The following PIWIL2 variants were observed in gnomAD, a reference collection of about 807,000 sequenced individuals.
PIWIL2 encodes the protein piwi-like protein 2.
A neutral mutation model predicts 116.5 loss-of-function variants in PIWIL2; 81 were observed. The ratio of observed to expected loss-of-function variants is 0.70; its 90% CI spans 0.58 to 0.84. PIWIL2 has a LOEUF of 0.84. PIWIL2 is among the 40% of genes least tolerant of loss of function. PIWIL2 has a pLI of 0.00. For synonymous variants in PIWIL2, 489 were observed against 429.5 expected, an observed-to-expected ratio of 1.14 and a Z score of -1.71; for missense variants, 1,272 against 1,212.3, an observed-to-expected ratio of 1.05 and a Z score of -0.73.
At chr8:22,331,406 GA>G (rs1483304139) in intron 20 of PIWIL2, among the ~76,000 whole-genome samples, 1 of 150,354 alleles carries the variant, frequency 6.7e-6, no homozygotes, top group Non-Finnish European at 1.5e-5. Flanking sequence ...TCTAAAGCCC[GA>G]GGAGTTCAAG....
chr8:22,317,891 G>C (rs751662397), intron 19 of PIWIL2, among the ~76,000 whole-genome samples: 2 of 152,064 alleles, frequency 1.3e-5, no homozygotes, highest in Non-Finnish European at 1.5e-5. Context: ...TCGATCTCCT[G>C]ACCTCGTGAT....
chr8:22,309,484 A>G (rs1384911528), intron 14 of PIWIL2, among the ~76,000 whole-genome samples: 2 of 151,740 alleles, frequency 1.3e-5, no homozygotes, highest in African/African-American at 4.8e-5. Flanking sequence ...GACTACAGGC[A>G]TGCGCCACCA....
intron 10 of PIWIL2, among the ~76,000 whole-genome samples, chr8:22,294,374 G>A (rs985997036): frequency 6.7e-6 from 1 of 148,574 alleles, no homozygotes; most frequent in African/African-American, 2.5e-5. Context: ...GAGCGTGGTG[G>A]CTCACGCCTG....
intron 20 of PIWIL2, among the ~76,000 whole-genome samples, chr8:22,319,647 C>A (rs943356916): frequency 2.6e-5 from 4 of 152,174 alleles, no homozygotes; most frequent in Non-Finnish European, 5.9e-5. Context: ...AGGAACTGGA[C>A]AAGGCACAGC....
rs766653907 is a variant in PIWIL2 at position 22,279,566 on chromosome 8, G to C, written c.180G>C (p.Gln60His). The change falls in exon 2 of 23, where the codon CAG (glutamine) becomes CAC (histidine). Residue 60 changes from glutamine (Q) to histidine (H), a missense_variant. By Grantham distance (24) the Gln-to-His change is conservative. Coordinates refer to ENST00000356766, the MANE Select transcript of PIWIL2 (RefSeq NM_018068.5). ...GAAAGCCAGAGGAACCAAGCACACAGAGGGGGCCAGCACAAAGGGTAAGAC... is the reference window on the plus strand; with the variant it reads ...GAAAGCCAGAGGAACCAAGCACACACAGGGGGCCAGCACAAAGGGTAAGAC... ...VFGKPEEPST[Q>H]RGPAQRESVG... The C allele has an allele frequency of 3.7e-6, 6 of 1,614,066 alleles. 1 individual carries two copies. The Admixed American group carries it at 5.0e-5, about 13-fold the overall frequency.
intron 20 of PIWIL2, among the ~76,000 whole-genome samples, chr8:22,323,380 T>C (rs1056076252): frequency 6.6e-6 from 1 of 151,980 alleles, no homozygotes; most frequent in Non-Finnish European, 1.5e-5. Context: ...ACTCCTGACC[T>C]CGTGATCCGC....
chr8:22,340,855 G>A (rs1832092150), intron 20 of PIWIL2, among the ~76,000 whole-genome samples: 1 of 152,096 alleles, frequency 6.6e-6, no homozygotes, highest in Non-Finnish European at 1.5e-5. Flanking sequence ...GGGTCTACAG[G>A]AATGCGCCAC....
chr8:22,310,980 A>T (rs1831315042), intron 15 of PIWIL2, 132 bp from the exon 16 acceptor site: 1 of 746,066 alleles, frequency 1.3e-6, no homozygotes, highest in Non-Finnish European at 2.2e-6. Context: ...GTTCATGTTA[A>T]TACAGGAGTT....
At chr8:22,339,261 A>C (rs973466162) in intron 20 of PIWIL2, among the ~76,000 whole-genome samples, 1 of 152,100 alleles carries the variant, frequency 6.6e-6, no homozygotes, top group Non-Finnish European at 1.5e-5. Context: ...TAATCCCAGC[A>C]CTTTGGGAGG....
chr8:22,289,929 T>G lies in PIWIL2; in HGVS notation c.1067+2T>G. 1 of 1,596,454 alleles carries G rather than the reference T, an allele frequency of 6.3e-7. No individual in the cohort carries two copies. Among genetic ancestry groups the G allele is most frequent in the Non-Finnish European group, 8.6e-7 (1 of 1,164,444 alleles). On this transcript the variant is annotated splice_donor_variant, in intron 9 of 22. Transcript: ENST00000356766. LOFTEE classifies it high-confidence loss of function. ...TGCTATGGTACTACAGCAACACAGG[T>G]TGGTACTTTTTTCCCTTCCCTCACT...
At chr8:22,333,667 G>A (rs987699467) in intron 20 of PIWIL2, among the ~76,000 whole-genome samples, 12 of 152,006 alleles carry the variant, frequency 7.9e-5, no homozygotes, top group African/African-American at 1.9e-4. Context: ...TTCAGAACAC[G>A]AACATCTATA....
Position 22,287,578 on chromosome 8 carries a change from A to G in PIWIL2, c.794A>G (p.Gln265Arg), listed in dbSNP as rs747039671. Residue 265 changes from glutamine to arginine, a missense_variant, in exon 7 of 23, where the codon CAA becomes CGA. Gln to Arg is a conservative substitution (Grantham distance 43). Coordinates refer to ENST00000356766, the MANE Select transcript of PIWIL2 (RefSeq NM_018068.5). ...AGGTTCGGCATGTTGAAGGACCATCAAGCTGTCACCGGCAACGTCACTGCG... is the reference window on the plus strand; with the variant it reads ...AGGTTCGGCATGTTGAAGGACCATCGAGCTGTCACCGGCAACGTCACTGCG... The part of the protein sequence containing the change: ...SMRFGMLKDH[Q>R]AVTGNVTAFD... The G allele has an allele frequency of 3.1e-6, 5 of 1,614,024 alleles. No individual in the cohort carries two copies. Among genetic ancestry groups the G allele is most frequent in the African/African-American group, 1.3e-5 (1 of 75,052 alleles).
chr8:22,354,360 G>T lies in PIWIL2; in HGVS notation c.2747G>T (p.Ser916Ile). 1 of 1,610,718 alleles carries T rather than the reference G, an allele frequency of 6.2e-7. No homozygotes were observed. The highest frequency in any genetic ancestry group is 1.7e-4 in the Middle Eastern group (1 of 6,048). ...YVCVLNTANLSPDHMQRLTFK... is the reference protein window; with the variant it reads ...YVCVLNTANLIPDHMQRLTFK... ...TGTGTTCTCAACACCGCAAACCTGA[G>T]CCCTGATCATATGCAGAGGTGGGCC... Residue 916 changes from serine to isoleucine, a missense_variant, in exon 22 of 23, where the codon AGC (serine) becomes ATC (isoleucine). Ser to Ile is a moderately radical substitution (Grantham distance 142). Coordinates refer to ENST00000356766, the MANE Select transcript of PIWIL2 (RefSeq NM_018068.5).
chr8:22,334,692 T>TA (rs1831940321), intron 20 of PIWIL2, among the ~76,000 whole-genome samples: 2 of 152,158 alleles, frequency 1.3e-5, no homozygotes, highest in South Asian at 4.2e-4. Context: ...GTGATTCTCT[T>TA]ACCTCAGCCT....
chr8:22,328,116 T>C (rs929477943), intron 20 of PIWIL2, among the ~76,000 whole-genome samples: 5 of 152,194 alleles, frequency 3.3e-5, no homozygotes, highest in Admixed American at 6.5e-5. Context: ...ATTTGAGTTA[T>C]ACAAAGTGAG....
intron 20 of PIWIL2, among the ~76,000 whole-genome samples, chr8:22,339,439 C>G (rs548327510): frequency 6.7e-6 from 1 of 150,256 alleles, no homozygotes; most frequent in South Asian, 2.1e-4. Context: ...ACCAGGGAGT[C>G]GGAGGTTTTG....
Position 22,290,447 on chromosome 8 carries a change from GT to G in PIWIL2, c.1181+107del, listed in dbSNP as rs1360217835. ...ACATTAGACATTGTTCTGTTTGTTT[GT>G]TTTTTCCCCCAGAGACAGGGTCTTG... is the stretch of plus-strand genomic sequence containing the variant. On this transcript the variant is annotated intron_variant, in intron 10 of 22. Coordinates refer to ENST00000356766, the MANE Select transcript of PIWIL2 (RefSeq NM_018068.5). 8 of 664,176 alleles carry G rather than the reference GT, an allele frequency of 1.2e-5. No homozygotes were observed. In the East Asian group the frequency reaches 1.5e-4, roughly 12 times the overall value. 41.1% of individuals were successfully genotyped at this position (664,176 alleles called of 1,614,324 possible).
chr8:22,348,055 T>C (rs576729279), intron 20 of PIWIL2, among the ~76,000 whole-genome samples: 1 of 151,478 alleles, frequency 6.6e-6, no homozygotes, highest in Non-Finnish European at 1.5e-5. Flanking sequence ...CCAGCACTTT[T>C]GGAGGCTGAG....
Position 22,336,708 on chromosome 8 carries a change from C to A in PIWIL2, c.2404-16251C>A, listed in dbSNP as rs922605389. On this transcript the variant is annotated intron_variant, in intron 20 of 22. Transcript: ENST00000356766. ...ATCACTTGAGCCCAGGAGTTCAAGA[C>A]CTGCTTGGGTAACATAGTGAGACCC... 8.6e-5 allele frequency among the ~76,000 whole-genome samples: 13 copies of A among 151,960 alleles called. No homozygotes were observed. The South Asian group carries it at 2.7e-3, about 32-fold the overall frequency.
Sources: gnomAD v4.1 joint callset for allele counts (sites outside exome capture counted in the v4.1 genomes callset) on GRCh38, gnomAD v4.1.1 for gene constraint, MANE v1.5 for transcripts, NCBI Gene and HGNC (gene_info 2026-07-23, HGNC 2026-07-21) for gene names.